The following TRMT2B variants were observed in gnomAD, a reference collection of about 807,000 sequenced individuals.
The protein encoded by TRMT2B is tRNA (uracil-5-)-methyltransferase homolog B.
In TRMT2B, 34 loss-of-function variants were observed where a neutral mutation model predicts 39.7. The ratio of observed to expected loss-of-function variants is 0.86; its 90% CI spans 0.65 to 1.14. TRMT2B has a LOEUF of 1.14. Ranked by LOEUF, TRMT2B falls within the 50% of genes most tolerant of loss-of-function variation. The pLI, the probability that TRMT2B is intolerant of heterozygous loss-of-function variation, is 0.00. For synonymous variants in TRMT2B, 132 were observed against 137.3 expected (o/e 0.96, Z 0.27); for missense variants, 318 against 377.2 (o/e 0.84, Z 1.30).
intron 7 of TRMT2B, among the ~76,000 whole-genome samples, chrX:101,032,983 C>G (rs184832578): frequency 2.7e-3 from 298 of 110,720 alleles, no homozygotes; most frequent in Middle Eastern, 0.014. Flanking sequence ...CGGCCAGGCA[C>G]GGTGGCTCAC....
chrX:100,995,803 T>G, the TRMT2B span, among the ~76,000 whole-genome samples: 2 of 112,048 alleles, frequency 1.8e-5, no homozygotes, highest in Non-Finnish European at 3.8e-5. Context: ...TGTGAAATAA[T>G]GTTAAGTGAA....
the TRMT2B span, among the ~76,000 whole-genome samples, chrX:100,996,834 C>T: frequency 9.0e-6 from 1 of 111,381 alleles, no homozygotes; most frequent in Non-Finnish European, 1.9e-5. Context: ...GTCACTTGAG[C>T]CCAGGAGACT....
At chrX:100,984,771 G>A in the TRMT2B span, among the ~76,000 whole-genome samples, 1 of 112,217 alleles carries the variant, frequency 8.9e-6, no homozygotes, top group Non-Finnish European at 1.9e-5. Flanking sequence ...AGAGAAGTGA[G>A]AAGTGGACAG....
Position 101,010,424 on chromosome X carries a change from C to A in TRMT2B, c.*157G>T. 1 of 632,961 alleles carries A rather than the reference C, an allele frequency of 1.6e-6. No homozygotes were observed. The highest frequency in any genetic ancestry group is 2.4e-6 in the Non-Finnish European group (1 of 410,330). The allele number at this position is 632,961 out of a possible 1,213,427, so 52.2% of individuals were successfully genotyped here. On this transcript the variant is annotated 3_prime_UTR_variant, in exon 14 of 14. Coordinates refer to ENST00000372936, the MANE Select transcript of TRMT2B (RefSeq NM_024917.6). ...GACTCTATCTCAAAAAAAAAATCTG[C>A]CTCAGACCAGAGGCCTAATAGATTC...
At chrX:100,975,631 C>T in the TRMT2B span, among the ~76,000 whole-genome samples, 13 of 97,908 alleles carry the variant, frequency 1.3e-4, no homozygotes, top group East Asian at 1.2e-3. Context: ...ATTTTCTTTG[C>T]TTTTTTTTTT....
At chrX:101,036,847 C>T (rs1255027648) in intron 6 of TRMT2B, 127 bp downstream of exon 6, 2 of 508,519 alleles carry the variant, frequency 3.9e-6, no homozygotes, top group Admixed American at 3.1e-5. Context: ...CTTGTGATCA[C>T]GTTCTGCATC....
At chrX:101,035,023 C>T (rs887519034) in intron 7 of TRMT2B, among the ~76,000 whole-genome samples, 1 of 109,312 alleles carries the variant, frequency 9.1e-6, no homozygotes, top group Non-Finnish European at 1.9e-5. Context: ...CAGAATGAGA[C>T]TGTCTCAAAA....
intron 13 of TRMT2B, 117 bp downstream of exon 13, chrX:101,018,851 TCAG>T: frequency 3.7e-6 from 2 of 541,466 alleles, no homozygotes; most frequent in Admixed American, 2.9e-5. Flanking sequence ...TTTTTTTGTT[TCAG>T]TTTCTTTACA....
intron 3 of TRMT2B, among the ~76,000 whole-genome samples, 174 bp from the exon 4 acceptor site, chrX:101,041,545 CTAATA>C (rs1449905296): frequency 8.9e-6 from 1 of 111,739 alleles, no homozygotes; most frequent in Non-Finnish European, 1.9e-5. Flanking sequence ...TGAGGCAAAC[CTAATA>C]TAAGAAAAAT....
chrX:101,017,984 A>C lies in TRMT2B; in HGVS notation c.1388+987T>G, dbSNP rs752289122. The stretch of plus-strand genomic sequence containing the variant: ...GGTGGCTCATGCCTGTAATCTCAGC[A>C]CTTTGGGAGGCCAAGGCAGGAGGAT... On this transcript the variant is annotated intron_variant, in intron 13 of 13. Coordinates refer to ENST00000372936, the MANE Select transcript of TRMT2B (RefSeq NM_024917.6). 2.8e-3 allele frequency among the ~76,000 whole-genome samples: 315 copies of C among 112,161 alleles called. 2 individuals carry two copies. Among genetic ancestry groups the C allele is most frequent in the African/African-American group, 9.8e-3 (302 of 30,951 alleles).
At chrX:101,034,286 C>T (rs774040089) in intron 7 of TRMT2B, among the ~76,000 whole-genome samples, 1 of 108,656 alleles carries the variant, frequency 9.2e-6, no homozygotes, top group South Asian at 4.1e-4. Context: ...GGACTATAGG[C>T]GTGCGCCACT....
In TRMT2B at chrX:101,041,310, C is replaced by T. The variant is rs765432949; in HGVS notation, c.303+7G>A. On this transcript the variant is annotated splice_region_variant and intron_variant, in intron 4 of 13. Coordinates refer to ENST00000372936, the MANE Select transcript of TRMT2B (RefSeq NM_024917.6). ...AGGAGGGGTAAAGACTTAGGCTGGG[C>T]ACCTACCTTGAGCTGTTCTTCATAG... is the stretch of plus-strand genomic sequence containing the variant. The T allele has an allele frequency of 5.0e-6, 6 of 1,206,962 alleles. No individual in the cohort carries two copies. The highest frequency in any genetic ancestry group is 6.7e-6 in the Non-Finnish European group (6 of 893,065).
chrX:101,023,562 C>T lies in TRMT2B; in HGVS notation c.664G>A (p.Glu222Lys), dbSNP rs2086898846. 8.3e-7 allele frequency: 1 copy of T among 1,208,788 alleles called. No individual in the cohort carries two copies. The highest frequency in any genetic ancestry group is 1.7e-5 in the African/African-American group (1 of 57,261). ...GTGAGCTCACGCCAGTATCCACCTT[C>T]ATGAAATACAAGGCAGGGCTCCAAT... is the stretch of plus-strand genomic sequence containing the variant. ...SPLEPCLVFH[E>K]GGYWRELTVR... is the part of the protein sequence containing the mutation. Residue 222 changes from glutamate to lysine, a missense_variant, in exon 8 of 14, where the codon GAA becomes AAA. By Grantham distance (56) the Glu-to-Lys change is moderately conservative (BLOSUM62 1). Coordinates refer to ENST00000372936, the MANE Select transcript of TRMT2B (RefSeq NM_024917.6).
the TRMT2B span, among the ~76,000 whole-genome samples, chrX:100,995,859 T>C: frequency 2.7e-5 from 3 of 112,283 alleles, no homozygotes; most frequent in African/African-American, 9.7e-5. Context: ...ATCCTAACTA[T>C]GTAAAGCATA....
chrX:101,046,867 G>T (rs1400018160), intron 2 of TRMT2B, among the ~76,000 whole-genome samples: 1 of 110,651 alleles, frequency 9.0e-6, no homozygotes, highest in Non-Finnish European at 1.9e-5. Flanking sequence ...TGGAGGTTGC[G>T]GTGAGCCGAG....
chrX:101,005,749 C>G (rs1321747954), downstream of TRMT2B, among the ~76,000 whole-genome samples: 2 of 105,344 alleles, frequency 1.9e-5, no homozygotes, highest in Admixed American at 1.1e-4. Flanking sequence ...GGCATGATGG[C>G]GCATGCCTAT....
chrX:101,016,792 G>A (rs2086549704), intron 13 of TRMT2B, among the ~76,000 whole-genome samples: 1 of 109,370 alleles, frequency 9.1e-6, no homozygotes, highest in African/African-American at 3.3e-5. Flanking sequence ...GATTACTCAG[G>A]TGATCTGCCC....
At chrX:101,024,399 A>T (rs1243174051) in intron 7 of TRMT2B, among the ~76,000 whole-genome samples, 2 of 112,054 alleles carry the variant, frequency 1.8e-5, no homozygotes, top group African/African-American at 6.5e-5. Flanking sequence ...ATACAGTGAT[A>T]TAAGAAACAT....
intron 7 of TRMT2B, among the ~76,000 whole-genome samples, chrX:101,028,357 G>C (rs1455339707): frequency 9.1e-6 from 1 of 110,134 alleles, no homozygotes; most frequent in Non-Finnish European, 1.9e-5. Context: ...GACCTCAGGT[G>C]ATCTGCCCAC....
Sources: allele counts gnomAD v4.1 joint callset (sites outside exome capture counted in the v4.1 genomes callset), GRCh38; gene constraint gnomAD v4.1.1; transcripts MANE v1.5; gene names NCBI Gene and HGNC (gene_info 2026-07-23, HGNC 2026-07-21).